ROBO2: variants seen among roughly 807,000 people sequenced by gnomAD.
ROBO2 encodes the protein roundabout homolog 2.
Under a neutral mutation model 160.8 loss-of-function variants are expected in ROBO2, and 53 were observed. The observed-to-expected ratio is 0.33, with a 90% CI of 0.26 to 0.41. The LOEUF is 0.41. Ranked by LOEUF, ROBO2 falls within the 10% of genes least tolerant of loss-of-function variation. The pLI, the probability that ROBO2 is intolerant of heterozygous loss-of-function variation, is 1.00. For missense variants in ROBO2, 1,577 were observed against 1,722.4 expected, an observed-to-expected ratio of 0.92 and a Z score of 1.49; for synonymous variants, 664 against 611.7, an observed-to-expected ratio of 1.09 and a Z score of -1.26.
At chr3:76,335,974 T>C (rs34434916) in intron 2 of ROBO2, among the ~76,000 whole-genome samples, 49,327 of 152,154 alleles carry the variant, frequency 0.32, 10,574 homozygotes, top group Non-Finnish European at 0.46. Flanking sequence ...TAGCTTACCA[T>C]GTAAACATAG....
chr3:77,191,652 A>G (rs1579822006), intron 2 of ROBO2, among the ~76,000 whole-genome samples: 1 of 152,202 alleles, frequency 6.6e-6, no homozygotes, highest in African/African-American at 2.4e-5. Context: ...TGTTAATTAG[A>G]CTTAAAGAAC....
chr3:76,495,020 G>A (rs1503129), intron 2 of ROBO2, among the ~76,000 whole-genome samples: 39,999 of 151,874 alleles, frequency 0.26, 6,401 homozygotes, highest in African/African-American at 0.43. Context: ...ACTGAATTGT[G>A]TCCTTTAAAA....
chr3:77,146,448 G>A (rs574858292), intron 2 of ROBO2, among the ~76,000 whole-genome samples: 80 of 152,154 alleles, frequency 5.3e-4, no homozygotes, highest in South Asian at 3.1e-3. Flanking sequence ...AAAGTTGAAT[G>A]GGGTGGGTGA....
At chr3:77,014,723 T>C (rs572446075) in intron 2 of ROBO2, among the ~76,000 whole-genome samples, 60 of 152,150 alleles carry the variant, frequency 3.9e-4, no homozygotes, top group Middle Eastern at 3.4e-3. Flanking sequence ...ACCACCTAAA[T>C]TTCACTCTAT....
chr3:76,709,024 A>G (rs1448282204), intron 2 of ROBO2, among the ~76,000 whole-genome samples: 1 of 152,170 alleles, frequency 6.6e-6, no homozygotes, highest in Non-Finnish European at 1.5e-5. Context: ...AAAGGTCAAT[A>G]TAGATATTTT....
chr3:76,825,392 C>G (rs1362581919), intron 2 of ROBO2, among the ~76,000 whole-genome samples: 2 of 151,924 alleles, frequency 1.3e-5, no homozygotes, highest in Admixed American at 1.3e-4. Context: ...TATAGTTTTT[C>G]CCAATATAAA....
chr3:77,070,817 G>A (rs762292298), intron 1 of ROBO2, among the ~76,000 whole-genome samples: 14 of 152,268 alleles, frequency 9.2e-5, no homozygotes, highest in South Asian at 8.3e-4. Flanking sequence ...GGGCTATTGC[G>A]TAGAGGATGG....
intron 2 of ROBO2, among the ~76,000 whole-genome samples, chr3:77,371,529 C>T (rs1017800447): frequency 6.6e-6 from 1 of 152,008 alleles, no homozygotes; most frequent in Non-Finnish European, 1.5e-5. Flanking sequence ...ATTTTAGAAA[C>T]GTTAAATAAG....
At chr3:75,941,050 T>C (rs1413365239) in intron 2 of ROBO2, among the ~76,000 whole-genome samples, 2 of 152,198 alleles carry the variant, frequency 1.3e-5, no homozygotes, top group Non-Finnish European at 2.9e-5. Flanking sequence ...CTCAGCCTCC[T>C]GGTAGCTATG....
chr3:76,828,674 G>T (rs923279623), intron 2 of ROBO2, among the ~76,000 whole-genome samples: 3 of 152,010 alleles, frequency 2.0e-5, no homozygotes, highest in Non-Finnish European at 2.9e-5. Context: ...CACCTTCATA[G>T]TAAAAATCTA....
chr3:77,478,731 A>G (rs1457469682), intron 3 of ROBO2, among the ~76,000 whole-genome samples: 1 of 152,214 alleles, frequency 6.6e-6, no homozygotes, highest in Non-Finnish European at 1.5e-5. Context: ...AAGTATTGGT[A>G]TCTATTATCT....
At chr3:76,264,424 C>T (rs902879374) in intron 2 of ROBO2, among the ~76,000 whole-genome samples, 1 of 151,426 alleles carries the variant, frequency 6.6e-6, no homozygotes, top group African/African-American at 2.4e-5. Context: ...ATAGCTCCTA[C>T]TTTATAGTAC....
At chr3:76,396,987 T>G (rs2077495007) in intron 2 of ROBO2, among the ~76,000 whole-genome samples, 1 of 152,120 alleles carries the variant, frequency 6.6e-6, no homozygotes, top group South Asian at 2.1e-4. Flanking sequence ...AAAGTTCATA[T>G]GGAACCAAAA....
At chr3:76,039,299 G>A (rs1157389585) in intron 2 of ROBO2, among the ~76,000 whole-genome samples, 1 of 151,942 alleles carries the variant, frequency 6.6e-6, no homozygotes. Flanking sequence ...TTTGAAGGGT[G>A]ATGGGTTGAA....
At chr3:77,152,209 A>C (rs1419839322) in intron 2 of ROBO2, among the ~76,000 whole-genome samples, 1 of 152,164 alleles carries the variant, frequency 6.6e-6, no homozygotes, top group Admixed American at 6.6e-5. Flanking sequence ...TATACTGAGA[A>C]AATGCAGTAG....
At chr3:75,906,739 G>C (rs2106677198) in exon 1 of ROBO2, 1 of 152,522 alleles carries the variant, frequency 6.6e-6, no homozygotes. Context: ...CCACCACCCG[G>C]AGGAGGGAGC....
chr3:77,072,672 T>TAA (rs1009989270), intron 1 of ROBO2, among the ~76,000 whole-genome samples: 10 of 152,214 alleles, frequency 6.6e-5, no homozygotes, highest in African/African-American at 2.2e-4. Flanking sequence ...AATGGGATAG[T>TAA]AACCTCCTTC....
chr3:76,243,777 C>T (rs532072042), intron 2 of ROBO2, among the ~76,000 whole-genome samples: 2 of 152,284 alleles, frequency 1.3e-5, no homozygotes, highest in South Asian at 4.1e-4. Context: ...GTAATTTATG[C>T]AGTGAACAAA....
chr3:77,342,831 C>T (rs2067209955), intron 2 of ROBO2, among the ~76,000 whole-genome samples: 1 of 152,138 alleles, frequency 6.6e-6, no homozygotes, highest in Non-Finnish European at 1.5e-5. Flanking sequence ...GCACTGTGTT[C>T]CTCTTATTGT....
Sources: gnomAD v4.1 joint callset for allele counts (sites outside exome capture counted in the v4.1 genomes callset) on GRCh38, gnomAD v4.1.1 for gene constraint, MANE v1.5 for transcripts, NCBI Gene and HGNC (gene_info 2026-07-23, HGNC 2026-07-21) for gene names.